Variants in CCBE1 observed in about 807,000 individuals in gnomAD.
The protein encoded by CCBE1 is collagen and calcium-binding EGF domain-containing protein 1.
CCBE1 carries 37 observed loss-of-function variants against 50.0 expected under a neutral mutation model. The ratio of observed to expected loss-of-function variants is 0.74; its 90% CI spans 0.57 to 0.97. The LOEUF (loss-of-function observed/expected upper bound fraction) is 0.97, where lower values mean the gene tolerates loss of function less well. Among genes scored for constraint, CCBE1 ranks in the 50% least tolerant of loss-of-function variants. The pLI is 0.00. For synonymous variants in CCBE1, 234 were observed against 203.7 expected, an observed-to-expected ratio of 1.15 and a Z score of -1.27; for missense variants, 538 against 523.8, an observed-to-expected ratio of 1.03 and a Z score of -0.26.
At chr18:59,675,840 G>C (rs1482944196) in intron 2 of CCBE1, among the ~76,000 whole-genome samples, 1 of 152,188 alleles carries the variant, frequency 6.6e-6, no homozygotes, top group African/African-American at 2.4e-5. Flanking sequence ...GAATCTAACA[G>C]TAATGTCTGG....
intron 6 of CCBE1, among the ~76,000 whole-genome samples, chr18:59,454,447 T>C (rs1239728761): frequency 1.3e-5 from 2 of 152,202 alleles, no homozygotes; most frequent in Non-Finnish European, 2.9e-5. Flanking sequence ...GGTTTAACCA[T>C]GTTAGCTAGG....
intron 2 of CCBE1, among the ~76,000 whole-genome samples, chr18:59,659,945 G>C (rs559993628): frequency 6.6e-6 from 1 of 152,190 alleles, no homozygotes; most frequent in Non-Finnish European, 1.5e-5. Context: ...CTAGGACCTC[G>C]CTATGCAATG....
intron 2 of CCBE1, among the ~76,000 whole-genome samples, chr18:59,664,917 A>G (rs1292891912): frequency 6.6e-6 from 1 of 152,080 alleles, no homozygotes; most frequent in Non-Finnish European, 1.5e-5. Flanking sequence ...GCTGAGGGAG[A>G]AGTAAAGTTA....
intron 2 of CCBE1, among the ~76,000 whole-genome samples, chr18:59,696,100 T>C (rs2054799960): frequency 6.6e-6 from 1 of 151,392 alleles, no homozygotes; most frequent in Admixed American, 6.6e-5. Flanking sequence ...TGGCCCACAT[T>C]TTTAGAAAGA....
In CCBE1 at chr18:59,432,953, G is replaced by GT. The variant is rs1444841689; in HGVS notation, c.*2954dup. ...TCATACAGCTTGTGCATAGTTTTGT[G>GT]TGTTTTTTTTTAAACATTCATCCAT... On this transcript the variant is annotated 3_prime_UTR_variant, in exon 11 of 11. Coordinates refer to ENST00000439986, the MANE Select transcript of CCBE1 (RefSeq NM_133459.4). The GT allele has an allele frequency of 2.2e-4, 12 of 55,754 alleles. No homozygotes were observed. Among genetic ancestry groups the GT allele is most frequent in the Non-Finnish European group, 3.3e-4 (8 of 24,550 alleles). The allele number at this position is 55,754 out of a possible 1,614,324, so 3.5% of individuals were successfully genotyped here.
At chr18:59,670,632 C>T (rs1393519788) in intron 2 of CCBE1, among the ~76,000 whole-genome samples, 1 of 152,182 alleles carries the variant, frequency 6.6e-6, no homozygotes, top group Non-Finnish European at 1.5e-5. Flanking sequence ...TATCTTACAC[C>T]AAGGAATCCA....
chr18:59,518,925 A>G (rs530439475), intron 2 of CCBE1, among the ~76,000 whole-genome samples: 2 of 152,256 alleles, frequency 1.3e-5, no homozygotes, highest in East Asian at 1.9e-4. Flanking sequence ...CTCTAACTTT[A>G]TATGATTCCC....
rs144671106 is a variant in CCBE1 at position 59,597,392 on chromosome 18, G to C, written c.212+99237C>G. ...GTAAGAATAAGGCATGAGCAAGGAG[G>C]CATTTAGAGAATTTACTGAGTGAAA... is the stretch of plus-strand genomic sequence containing the variant. On this transcript the variant is annotated intron_variant, in intron 2 of 10. Coordinates refer to ENST00000439986, the MANE Select transcript of CCBE1 (RefSeq NM_133459.4). 2.2e-3 allele frequency among the ~76,000 whole-genome samples: 338 copies of C among 152,318 alleles called. 6 individuals are homozygous for C. In the East Asian group the frequency reaches 0.032, roughly 14 times the overall value.
Position 59,570,309 on chromosome 18 carries a change from CAA to C in CCBE1, c.213-90073_213-90072del, listed in dbSNP as rs574426618. ...TGGTGCTGGGGAACATGAACCCACA[CAA>C]AAGAGACACAAAACGTTTAGTGAGG... On this transcript the variant is annotated intron_variant, in intron 2 of 10. Coordinates refer to ENST00000439986, the MANE Select transcript of CCBE1 (RefSeq NM_133459.4). 1.8e-3 allele frequency among the ~76,000 whole-genome samples: 281 copies of C among 152,260 alleles called. 1 individual carries two copies. Among genetic ancestry groups the C allele is most frequent in the African/African-American group, 6.2e-3 (258 of 41,550 alleles).
chr18:59,607,727 T>C (rs2053517523), intron 2 of CCBE1, among the ~76,000 whole-genome samples: 1 of 152,204 alleles, frequency 6.6e-6, no homozygotes, highest in Non-Finnish European at 1.5e-5. Flanking sequence ...CCACTTCCTG[T>C]GTGACACTGA....
intron 1 of CCBE1, 44 bp downstream of exon 1, chr18:59,697,168 C>T: frequency 1.3e-6 from 2 of 1,546,762 alleles, no homozygotes; most frequent in South Asian, 1.2e-5. Flanking sequence ...GCCGGGCGCG[C>T]ATCAAGCAGG....
chr18:59,618,976 CAT>C (rs1431122892), intron 2 of CCBE1, among the ~76,000 whole-genome samples: 1 of 152,090 alleles, frequency 6.6e-6, no homozygotes, highest in Non-Finnish European at 1.5e-5. Context: ...GCTAACTGTT[CAT>C]AGTTACAAAT....
intron 5 of CCBE1, among the ~76,000 whole-genome samples, chr18:59,463,395 C>A (rs1473812257): frequency 6.6e-6 from 1 of 152,202 alleles, no homozygotes; most frequent in African/African-American, 2.4e-5. Context: ...ACCCAGCTAA[C>A]TTTTTTGATT....
chr18:59,506,247 G>A (rs1431591095), intron 2 of CCBE1, among the ~76,000 whole-genome samples: 2 of 152,152 alleles, frequency 1.3e-5, no homozygotes, highest in Non-Finnish European at 2.9e-5. Flanking sequence ...GCAAAGAAAT[G>A]CCAAGGATTG....
chr18:59,616,680 A>G (rs1268470974), intron 2 of CCBE1, among the ~76,000 whole-genome samples: 1 of 152,208 alleles, frequency 6.6e-6, no homozygotes, highest in Non-Finnish European at 1.5e-5. Flanking sequence ...GGTACACAAA[A>G]GAGTCTGTTA....
intron 2 of CCBE1, among the ~76,000 whole-genome samples, chr18:59,544,198 A>C (rs149421244): frequency 1.4e-4 from 21 of 152,294 alleles, no homozygotes; most frequent in African/African-American, 4.6e-4. Flanking sequence ...TCAGCCACAT[A>C]GTAGGTGATT....
At chr18:59,650,336 A>T (rs2054110594) in intron 2 of CCBE1, among the ~76,000 whole-genome samples, 1 of 150,162 alleles carries the variant, frequency 6.7e-6, no homozygotes, top group African/African-American at 2.5e-5. Context: ...CAAGCTCTCC[A>T]CTCCAAGCAG....
chr18:59,479,811 G>A (rs1045052734), intron 3 of CCBE1, among the ~76,000 whole-genome samples: 1 of 152,158 alleles, frequency 6.6e-6, no homozygotes, highest in Non-Finnish European at 1.5e-5. Flanking sequence ...TCATGTAAAG[G>A]GACTTAAAGT....
chr18:59,667,641 C>T (rs1309247358), intron 2 of CCBE1, among the ~76,000 whole-genome samples: 1 of 152,174 alleles, frequency 6.6e-6, no homozygotes, highest in Non-Finnish European at 1.5e-5. Context: ...GGAGGAAATA[C>T]ACCAGCCTCT....
Sources: allele counts gnomAD v4.1 joint callset (sites outside exome capture counted in the v4.1 genomes callset), GRCh38; gene constraint gnomAD v4.1.1; transcripts MANE v1.5; gene names NCBI Gene and HGNC (gene_info 2026-07-23, HGNC 2026-07-21).